NAPA: variants seen among roughly 807,000 people sequenced by gnomAD.
NAPA encodes alpha-soluble NSF attachment protein.
A neutral mutation model predicts 48.0 loss-of-function variants in NAPA; 18 were observed. The ratio of observed to expected loss-of-function variants is 0.38; its 90% CI spans 0.26 to 0.56. The LOEUF (loss-of-function observed/expected upper bound fraction) is 0.56. NAPA is among the 20% of genes least tolerant of loss of function. The pLI is 0.77. For missense variants in NAPA, 315 were observed against 385.0 expected (o/e 0.82, Z 1.52); for synonymous variants, 152 against 149.9 (o/e 1.01, Z -0.10).
chr19:47,514,462 G>A (rs1464978125), intron 1 of NAPA, among the ~76,000 whole-genome samples: 1 of 151,978 alleles, frequency 6.6e-6, no homozygotes, highest in Non-Finnish European at 1.5e-5. Context: ...CTTCTCTCCC[G>A]GACTCCCTCC....
chr19:47,489,909 T>C, intron 9 of NAPA, 148 bp from the exon 10 acceptor site: 1 of 759,172 alleles, frequency 1.3e-6, no homozygotes, highest in Non-Finnish European at 2.2e-6. Flanking sequence ...TGGGTTAAAC[T>C]GGGGATGGGT....
intron 4 of NAPA, 122 bp downstream of exon 4, chr19:47,495,427 TC>T (rs1372547101): frequency 3.6e-6 from 4 of 1,112,292 alleles, no homozygotes; most frequent in Non-Finnish European, 5.4e-6. Flanking sequence ...AGCTCCCACT[TC>T]CCCCTCCCCA....
At chr19:47,492,453 C>T (rs1968296979) in intron 7 of NAPA, 5 of 413,162 alleles carry the variant, frequency 1.2e-5, no homozygotes, top group South Asian at 2.3e-5. Context: ...GGCAGAGCGG[C>T]GGCAGGCGGT....
rs1376590384 is a variant in NAPA at position 47,488,280 on chromosome 19, G to C, written c.*8C>G. ...CAGGAAGACGGGCACTGGGGGGCTG[G>C]GTGGGGCTTAGCGCAGGTCCTCCTC... is the stretch of plus-strand genomic sequence containing the variant. On this transcript the variant is annotated 3_prime_UTR_variant, in exon 11 of 11. Transcript: ENST00000263354. 1.9e-6 allele frequency: 3 copies of C among 1,606,950 alleles called. No homozygotes were observed.
intron 9 of NAPA, among the ~76,000 whole-genome samples, chr19:47,490,555 A>AGT (rs747188072): frequency 1.0e-4 from 15 of 145,402 alleles, no homozygotes; most frequent in African/African-American, 2.8e-4. Context: ...TGGTGTGTGT[A>AGT]GTGTGTGTGT....
intron 10 of NAPA, 39 bp from the exon 11 acceptor site, chr19:47,488,428 C>G (rs1968138871): frequency 1.3e-6 from 2 of 1,531,582 alleles, no homozygotes; most frequent in African/African-American, 1.4e-5. Flanking sequence ...CATGCTCCCC[C>G]CGTTCCCAAC....
rs1403257673 is a variant in NAPA at position 47,493,131 on chromosome 19, T to A, written c.464A>T (p.Glu155Val). 1.9e-6 allele frequency: 3 copies of A among 1,612,438 alleles called. No individual in the cohort carries two copies. Among genetic ancestry groups the A allele is most frequent in the Non-Finnish European group, 2.5e-6 (3 of 1,179,298 alleles). ...GGAAGGGGGCTACCTGTTGGACTCC[T>A]CGCCTTTGTAGTAGTCTGCAGACTG... is the stretch of plus-strand genomic sequence containing the variant. ...YEQSADYYKG[E>V]ESNSSANKCL... The change falls in exon 6 of 11, where the codon GAG becomes GTG. Residue 155 changes from glutamate to valine, a missense_variant. Coordinates refer to ENST00000263354, the MANE Select transcript of NAPA (RefSeq NM_003827.4). This position sits in a 1 kb window ranked among gnomAD's most constrained non-coding sequence, Gnocchi z 6.4.
intron 10 of NAPA, chr19:47,489,398 G>C: frequency 2.4e-6 from 1 of 424,330 alleles, no homozygotes; most frequent in South Asian, 3.4e-5. Flanking sequence ...CACTCACCTG[G>C]GGGACTCAAG....
At chr19:47,514,688 G>T (rs1968871358) in intron 1 of NAPA, among the ~76,000 whole-genome samples, 155 bp downstream of exon 1, 1 of 152,064 alleles carries the variant, frequency 6.6e-6, no homozygotes, top group African/African-American at 2.4e-5. Flanking sequence ...CCCTCAGCCT[G>T]CGTCCCCTCT....
chr19:47,498,684 A>T (rs1380043024), intron 3 of NAPA, among the ~76,000 whole-genome samples: 1 of 152,102 alleles, frequency 6.6e-6, no homozygotes, highest in African/African-American at 2.4e-5. Flanking sequence ...CTCCCAAAGC[A>T]CTGAAATTAC....
At chr19:47,508,669 C>CT (rs796964377) in intron 1 of NAPA, among the ~76,000 whole-genome samples, 1,739 of 146,014 alleles carry the variant, frequency 0.012, 21 homozygotes, top group African/African-American at 0.039. Context: ...ATCCCTGAGG[C>CT]TTTTTTTTTT....
At chr19:47,486,531 C>T (rs1968082836), downstream of NAPA, among the ~76,000 whole-genome samples, 2 of 152,170 alleles carry the variant, frequency 1.3e-5, no homozygotes, top group South Asian at 2.1e-4. Flanking sequence ...GAACTCTTGA[C>T]CTCAAGTGAT....
intron 1 of NAPA, among the ~76,000 whole-genome samples, chr19:47,509,530 A>G (rs1968765450): frequency 6.6e-6 from 1 of 152,140 alleles, no homozygotes. Context: ...CGTGCCCAGC[A>G]GAGAGCTGGC....
intron 9 of NAPA, 134 bp from the exon 10 acceptor site, chr19:47,489,895 C>G: frequency 1.2e-6 from 1 of 842,474 alleles, no homozygotes; most frequent in Non-Finnish European, 1.9e-6. Flanking sequence ...AGGGTCAATC[C>G]GTGTGGGTTA....
Position 47,493,398 on chromosome 19 carries a change from G to A in NAPA, c.420+18C>T. 6.2e-7 allele frequency: 1 copy of A among 1,613,232 alleles called. No individual in the cohort carries two copies. The highest frequency in any genetic ancestry group is 8.5e-7 in the Non-Finnish European group (1 of 1,179,352). ...TGGTCCTGGCTGCCAGCCCATGCAGGGCCCTGCTGCCACTCACCTTCTCGA... is the reference window on the plus strand; with the variant it reads ...TGGTCCTGGCTGCCAGCCCATGCAGAGCCCTGCTGCCACTCACCTTCTCGA... On this transcript the variant is annotated intron_variant, in intron 5 of 10. Transcript: ENST00000263354. This position sits in a 1 kb window ranked among gnomAD's most constrained non-coding sequence, Gnocchi z 6.4.
At position 47,493,275 on chromosome 19, in the gene NAPA, C is replaced by T; in HGVS notation, c.421-101G>A. 5 of 1,484,742 alleles carry T rather than the reference C, an allele frequency of 3.4e-6. No homozygotes were observed. Among genetic ancestry groups the T allele is most frequent in the South Asian group, 1.2e-5 (1 of 81,422 alleles). The allele number at this position is 1,484,742 out of a possible 1,614,324, so 92.0% of individuals were successfully genotyped here. A position where few individuals can be genotyped will look rare whatever the true frequency, so the allele number is the denominator to read the frequency against. ...TCCGCCCTGCCTGCCTGGGACACAG[C>T]CAGACCCCATTCTCCAAGCTCTGCC... On this transcript the variant is annotated intron_variant, in intron 5 of 10. Coordinates refer to ENST00000263354, the MANE Select transcript of NAPA (RefSeq NM_003827.4). This position sits in a 1 kb window ranked among gnomAD's most constrained non-coding sequence, Gnocchi z 6.4.
intron 1 of NAPA, among the ~76,000 whole-genome samples, chr19:47,511,573 G>A (rs1384017412): frequency 1.3e-5 from 2 of 152,342 alleles, no homozygotes; most frequent in East Asian, 3.9e-4. Context: ...GTAGTGCCCA[G>A]AGATGGTCAT....
At chr19:47,509,581 C>G (rs1354464082) in intron 1 of NAPA, among the ~76,000 whole-genome samples, 1 of 152,188 alleles carries the variant, frequency 6.6e-6, no homozygotes, top group Non-Finnish European at 1.5e-5. Flanking sequence ...TCCCTCTCAT[C>G]AGGCCCCGCA....
intron 1 of NAPA, among the ~76,000 whole-genome samples, chr19:47,513,541 C>T (rs1358472011): frequency 6.6e-6 from 1 of 152,186 alleles, no homozygotes; most frequent in East Asian, 1.9e-4. Flanking sequence ...ACTTCTAAGC[C>T]ACTACAATTT....
Sources: allele counts gnomAD v4.1 joint callset (sites outside exome capture counted in the v4.1 genomes callset), GRCh38; gene constraint gnomAD v4.1.1; non-coding constraint Gnocchi (gnomAD v3.1); transcripts MANE v1.5; gene names NCBI Gene and HGNC (gene_info 2026-07-23, HGNC 2026-07-21).